The following CSMD3 variants were observed in gnomAD, a reference collection of about 807,000 sequenced individuals.
CSMD3 encodes the protein CUB and sushi domain-containing protein 3.
A neutral mutation model predicts 435.2 loss-of-function variants in CSMD3; 177 were observed. The ratio of observed to expected loss-of-function variants is 0.41; its 90% CI spans 0.36 to 0.46. The LOEUF (loss-of-function observed/expected upper bound fraction) is 0.46, where lower values mean the gene tolerates loss of function less well. Among genes scored for constraint, CSMD3 ranks in the 20% least tolerant of loss-of-function variants. The pLI is 0.34. For missense variants in CSMD3, 4,265 were observed against 4,504.6 expected (o/e 0.95, Z 1.52); for synonymous variants, 1,656 against 1,520.5 (o/e 1.09, Z -2.07).
intron 3 of CSMD3, among the ~76,000 whole-genome samples, chr8:113,270,781 C>T (rs1167688606): frequency 6.6e-6 from 1 of 150,450 alleles, no homozygotes; most frequent in Non-Finnish European, 1.5e-5. Context: ...ACAATGACAA[C>T]ACTTGGACAC....
At chr8:112,510,548 T>G (rs1823006895) in intron 28 of CSMD3, among the ~76,000 whole-genome samples, 1 of 152,228 alleles carries the variant, frequency 6.6e-6, no homozygotes, top group Non-Finnish European at 1.5e-5. Flanking sequence ...GACCCCAGAA[T>G]GGGCACTACT....
At chr8:112,445,208 A>C (rs886786213) in intron 32 of CSMD3, among the ~76,000 whole-genome samples, 1 of 152,130 alleles carries the variant, frequency 6.6e-6, no homozygotes, top group African/African-American at 2.4e-5. Flanking sequence ...GCACCACCGC[A>C]CTCCAGCCTC....
chr8:112,587,260 G>A, intron 22 of CSMD3, 25 bp from the exon 23 acceptor site: 1 of 1,559,366 alleles, frequency 6.4e-7, no homozygotes, highest in Non-Finnish European at 8.8e-7. Context: ...GAATATTGAA[G>A]TACAGTTTAA....
At chr8:113,296,721 G>T (rs954832468) in intron 2 of CSMD3, among the ~76,000 whole-genome samples, 9 of 152,086 alleles carry the variant, frequency 5.9e-5, no homozygotes, top group Non-Finnish European at 1.0e-4. Context: ...CCAAAAAGTT[G>T]GCAGAGAGAA....
chr8:112,518,436 A>T (rs1823910965), intron 27 of CSMD3, among the ~76,000 whole-genome samples: 1 of 152,096 alleles, frequency 6.6e-6, no homozygotes, highest in African/African-American at 2.4e-5. Flanking sequence ...TGAGCCTAGG[A>T]GGTCAAGGCT....
intron 38 of CSMD3, among the ~76,000 whole-genome samples, chr8:112,372,901 C>T (rs987805838): frequency 6.0e-5 from 9 of 150,016 alleles, no homozygotes; most frequent in East Asian, 3.9e-4. Flanking sequence ...TCAGCCTATC[C>T]GCCAGCATTT....
chr8:112,732,379 G>C (rs1303642667), intron 13 of CSMD3, among the ~76,000 whole-genome samples: 1 of 152,024 alleles, frequency 6.6e-6, no homozygotes, highest in African/African-American at 2.4e-5. Context: ...TAGTGGTTTT[G>C]TTTCCTTTTC....
chr8:112,869,127 A>G (rs2081062689), intron 10 of CSMD3, among the ~76,000 whole-genome samples: 1 of 152,198 alleles, frequency 6.6e-6, no homozygotes, highest in Non-Finnish European at 1.5e-5. Flanking sequence ...CTGAGTGAAC[A>G]CCAGAAGAGG....
chr8:112,594,709 G>A (rs1831525344), intron 22 of CSMD3, among the ~76,000 whole-genome samples: 1 of 152,180 alleles, frequency 6.6e-6, no homozygotes, highest in Admixed American at 6.5e-5. Flanking sequence ...CCTAACCCCT[G>A]ACCCCCCGAG....
At chr8:113,275,211 A>G (rs1004106884) in intron 3 of CSMD3, among the ~76,000 whole-genome samples, 5 of 152,108 alleles carry the variant, frequency 3.3e-5, no homozygotes, top group Admixed American at 2.6e-4. Context: ...AATTTTACAG[A>G]TGAAGACAAT....
At chr8:113,126,417 TATTGATGTA>T (rs1241955835) in intron 4 of CSMD3, among the ~76,000 whole-genome samples, 1 of 151,972 alleles carries the variant, frequency 6.6e-6, no homozygotes, top group African/African-American at 2.4e-5. Context: ...GTGAAAATTA[TATTGATGTA>T]TATAGTTGAA....
intron 26 of CSMD3, among the ~76,000 whole-genome samples, chr8:112,552,191 ACT>A (rs1190165073): frequency 2.0e-5 from 3 of 151,696 alleles, no homozygotes; most frequent in Non-Finnish European, 1.5e-5. Context: ...AATTTGCAAA[ACT>A]CTGTATATCA....
chr8:112,716,201 T>C (rs12682186), intron 13 of CSMD3, among the ~76,000 whole-genome samples: 50,549 of 151,982 alleles, frequency 0.33, 9,271 homozygotes, highest in African/African-American at 0.5. Context: ...AAAAACTCCT[T>C]AAGCTGATAA....
intron 4 of CSMD3, among the ~76,000 whole-genome samples, chr8:113,173,198 T>C (rs928319647): frequency 2.0e-5 from 3 of 152,186 alleles, no homozygotes; most frequent in Non-Finnish European, 4.4e-5. Context: ...ACTATGCATA[T>C]AGAGATATAT....
chr8:112,234,336 G>T, intron 68 of CSMD3, 29 bp downstream of exon 68: 1 of 1,379,248 alleles, frequency 7.3e-7, no homozygotes, highest in Non-Finnish European at 1.0e-6. Flanking sequence ...ATTAAAATCA[G>T]CAGCAGATGT....
rs6150766 is a variant in CSMD3, at chr8:112,692,913, A to ATATCTATC, written c.1973-2871_1973-2864dup. On this transcript the variant is annotated intron_variant, in intron 13 of 70. Coordinates refer to ENST00000297405, the MANE Select transcript of CSMD3 (RefSeq NM_198123.2). ...GTGTCTAATTTACAAATTAATCTTTATATCTATCTATCTATCTATCTATCT... is the reference window on the plus strand; with the variant it reads ...GTGTCTAATTTACAAATTAATCTTTATATCTATCTATCTATCTATCTATCTATCTATCT... Among the ~76,000 whole-genome samples, 167 of 144,602 alleles carry ATATCTATC rather than the reference A, an allele frequency of 1.2e-3. 1 individual carries two copies. Among genetic ancestry groups the ATATCTATC allele is most frequent in the East Asian group, 1.2e-3 (6 of 4,914 alleles). The allele number at this position is 144,602 out of a possible 152,430, so 94.9% of individuals were successfully genotyped here.
chr8:113,357,263 C>T (rs561482878), intron 1 of CSMD3, among the ~76,000 whole-genome samples: 2 of 152,238 alleles, frequency 1.3e-5, no homozygotes, highest in East Asian at 3.9e-4. Flanking sequence ...CTTCTGTGAG[C>T]TGGTTGTGTT....
chr8:112,342,938 T>G (rs1430789717), intron 41 of CSMD3, among the ~76,000 whole-genome samples: 7 of 142,440 alleles, frequency 4.9e-5, no homozygotes, highest in Non-Finnish European at 7.6e-5. Flanking sequence ...TCATATATTC[T>G]TGAACATATG....
chr8:113,179,360 G>A (rs2092392039), intron 3 of CSMD3, among the ~76,000 whole-genome samples: 1 of 151,780 alleles, frequency 6.6e-6, no homozygotes, highest in East Asian at 1.9e-4. Flanking sequence ...TCTTCTAGAG[G>A]TTGTGTCATA....
Sources: gnomAD v4.1 joint callset for allele counts (sites outside exome capture counted in the v4.1 genomes callset) on GRCh38, gnomAD v4.1.1 for gene constraint, MANE v1.5 for transcripts, NCBI Gene and HGNC (gene_info 2026-07-23, HGNC 2026-07-21) for gene names.